Variants in SYNE1 observed in about 807,000 individuals in gnomAD.
SYNE1 encodes the protein spectrin repeat containing nuclear envelope protein 1.
SYNE1 carries 616 observed loss-of-function variants against 1,111.0 expected under a neutral mutation model. The observed-to-expected ratio is 0.55, with a 90% CI of 0.52 to 0.59. The LOEUF is 0.59. Among genes scored for constraint, SYNE1 ranks in the 20% least tolerant of loss-of-function variants. The pLI is 0.00. For synonymous variants in SYNE1, 3,855 were observed against 3,825.8 expected, an observed-to-expected ratio of 1.01 and a Z score of -0.28; for missense variants, 10,006 against 10,417.0, an observed-to-expected ratio of 0.96 and a Z score of 1.72.
At chr6:152,142,313 T>C (rs1238026849) in intron 138 of SYNE1, among the ~76,000 whole-genome samples, 1 of 152,316 alleles carries the variant, frequency 6.6e-6, no homozygotes, top group East Asian at 1.9e-4. Flanking sequence ...CTGCTCCCTC[T>C]TTCTCTTTCT....
intron 126 of SYNE1, among the ~76,000 whole-genome samples, chr6:152,203,232 C>T (rs1003190077): frequency 2.0e-5 from 3 of 152,150 alleles, no homozygotes; most frequent in African/African-American, 4.8e-5. Flanking sequence ...AAATCAGACA[C>T]ACGTAATTTT....
At chr6:152,581,666 C>T (rs770460714) in intron 3 of SYNE1, among the ~76,000 whole-genome samples, 8 of 152,166 alleles carry the variant, frequency 5.3e-5, no homozygotes, top group African/African-American at 1.9e-4. Flanking sequence ...CACCTCATCA[C>T]TTTCCCTTGA....
rs777679979 is a variant in SYNE1, at chr6:152,428,385, C to G, written c.4796G>C (p.Cys1599Ser). Residue 1599 changes from cysteine to serine, a missense_variant, in exon 37 of 146, where the codon TGC (cysteine) becomes TCC (serine). Physicochemically the swap from Cys to Ser is moderately radical, Grantham distance 112. Transcript: ENST00000367255. ...YKVLQEHMDL[C>S]QALESLSSAI... ...GCTGCTCAGTGACTCCAGGGCCTGG[C>G]AGAGATCCTAAGAAGAGTGCGAGAA... The G allele has an allele frequency of 2.5e-6, 4 of 1,613,508 alleles. No homozygotes were observed. In the African/African-American group the frequency reaches 4.0e-5, roughly 16 times the overall value.
Position 152,334,121 on chromosome 6 carries a change from G to A in SYNE1, c.12681C>T (p.Asn4227=). ...QWLDLCRQSN[N]LCLQREEDLQ... is the part of the protein sequence containing the mutation. ...GATCCTCTTCCCTTTGCAAGCACAG[G>A]TTGTTAGACTGACGGCACAAATCGA... Residue 4227 remains asparagine, a synonymous_variant, in exon 77 of 146, where the codon AAC becomes AAT. Coordinates refer to ENST00000367255, the MANE Select transcript of SYNE1 (RefSeq NM_182961.4). 1.2e-6 allele frequency: 2 copies of A among 1,614,116 alleles called. No homozygotes were observed. The highest frequency in any genetic ancestry group is 1.7e-6 in the Non-Finnish European group (2 of 1,180,022).
chr6:152,446,128 T>G (rs1285269126), intron 29 of SYNE1, among the ~76,000 whole-genome samples: 2 of 129,392 alleles, frequency 1.5e-5, no homozygotes, highest in Non-Finnish European at 3.3e-5. Flanking sequence ...TTTTTTTTTT[T>G]GGTGAGACAA....
chr6:152,232,033 A>C, intron 113 of SYNE1, 83 bp downstream of exon 113: 1 of 1,067,786 alleles, frequency 9.4e-7, no homozygotes, highest in Non-Finnish European at 1.4e-6. Context: ...CCAAGACTTG[A>C]TTACCATAAT....
Position 152,565,168 on chromosome 6 carries a change from T to G in SYNE1, c.68-25147A>C, listed in dbSNP as rs1410088621. On this transcript the variant is annotated intron_variant, in intron 3 of 145. Coordinates refer to ENST00000367255, the MANE Select transcript of SYNE1 (RefSeq NM_182961.4). ...GCCAGGAGAAACCTGATCATTAATT[T>G]ATGTGGTTCCTTTTGCCTCCACTAG... Among the ~76,000 whole-genome samples, 6 of 152,328 alleles carry G rather than the reference T, an allele frequency of 3.9e-5. No individual in the cohort carries two copies. In the East Asian group the frequency reaches 1.2e-3, roughly 29 times the overall value.
chr6:152,265,802 A>T (rs2092644605), intron 100 of SYNE1, among the ~76,000 whole-genome samples: 1 of 152,168 alleles, frequency 6.6e-6, no homozygotes, highest in Admixed American at 6.5e-5. Flanking sequence ...CAAGTAACAT[A>T]GTACTTATTC....
intron 8 of SYNE1, among the ~76,000 whole-genome samples, chr6:152,509,062 A>C (rs1298233261): frequency 3.3e-5 from 5 of 152,124 alleles, no homozygotes; most frequent in African/African-American, 4.8e-5. Context: ...TAAGCATGCA[A>C]AACAAGATAA....
intron 3 of SYNE1, among the ~76,000 whole-genome samples, chr6:152,616,384 A>G (rs1289661549): frequency 6.6e-6 from 1 of 152,074 alleles, no homozygotes; most frequent in Non-Finnish European, 1.5e-5. Context: ...GCCACCCTAC[A>G]CAGCATAGTG....
At chr6:152,275,420 A>C (rs2093544047) in intron 98 of SYNE1, among the ~76,000 whole-genome samples, 1 of 152,182 alleles carries the variant, frequency 6.6e-6, no homozygotes, top group South Asian at 2.1e-4. Context: ...TTATTTACAG[A>C]GTGAGTCATA....
rs2060517134 is a variant in SYNE1 at position 152,152,055 on chromosome 6, A to T, written c.24216T>A (p.Thr8072=). Residue 8072 remains threonine (T), a synonymous_variant, in exon 134 of 146, where the codon ACT becomes ACA. Transcript: ENST00000367255. The stretch of plus-strand genomic sequence containing the variant: ...TCTGTTTGAGGCTACATGCTGAATC[A>T]GTGCGGTTCTCCCTGGCCAGGCGGC... The part of the protein sequence containing the change: ...QYRRLARENR[T]DSACSLKQMV... 1 of 1,614,204 alleles carries T rather than the reference A, an allele frequency of 6.2e-7. No individual in the cohort carries two copies. Among genetic ancestry groups the T allele is most frequent in the Non-Finnish European group, 8.5e-7 (1 of 1,180,034 alleles).
At chr6:152,206,085 T>A in intron 126 of SYNE1, 83 bp downstream of exon 126, 1 of 1,321,074 alleles carries the variant, frequency 7.6e-7, no homozygotes, top group Admixed American at 1.9e-5. Flanking sequence ...CTTTGCATTA[T>A]TTGATTTGTA....
At chr6:152,272,653 T>C (rs1478656477) in intron 98 of SYNE1, among the ~76,000 whole-genome samples, 2 of 152,168 alleles carry the variant, frequency 1.3e-5, no homozygotes, top group Admixed American at 1.3e-4. Context: ...CAAAAAAGCA[T>C]AGTCATTCAC....
intron 6 of SYNE1, among the ~76,000 whole-genome samples, chr6:152,513,683 T>G (rs1281290844): frequency 1.3e-5 from 2 of 151,854 alleles, no homozygotes; most frequent in Non-Finnish European, 2.9e-5. Flanking sequence ...ATCATCAGAG[T>G]GAACAGGCAA....
intron 138 of SYNE1, among the ~76,000 whole-genome samples, chr6:152,142,610 G>C (rs11155834): frequency 0.19 from 29,522 of 152,146 alleles, 3,200 homozygotes; most frequent in East Asian, 0.38. Flanking sequence ...CACAATGCCA[G>C]TAGGACTGTT....
chr6:152,534,170 AAATG>A (rs770216813), intron 4 of SYNE1, among the ~76,000 whole-genome samples: 172 of 146,186 alleles, frequency 1.2e-3, no homozygotes, highest in East Asian at 4.0e-3. Context: ...AAAAATAAAT[AAATG>A]AATGAATGAA....
chr6:152,283,899 T>G, intron 96 of SYNE1, 79 bp downstream of exon 96: 1 of 1,190,988 alleles, frequency 8.4e-7, no homozygotes, highest in South Asian at 1.2e-5. Context: ...TGTAAATACG[T>G]AAGTAACCCA....
chr6:152,135,140 A>G lies in SYNE1; in HGVS notation c.25752T>C (p.Asp8584=). 1 of 1,614,178 alleles carries G rather than the reference A, an allele frequency of 6.2e-7. No homozygotes were observed. The highest frequency in any genetic ancestry group is 1.3e-5 in the African/African-American group (1 of 75,064). ...TGTGATGGTCCTGAAGTATCTCTGC[A>G]TCAAGGTTAGAATCAATAGGGACAA... is the stretch of plus-strand genomic sequence containing the variant. The part of the protein sequence containing the change: ...NEIVPIDSNL[D]AEILQDHHKQ... The change falls in exon 142 of 146, where the codon GAT becomes GAC. Residue 8584 remains aspartate (D), a synonymous_variant. Coordinates refer to ENST00000367255, the MANE Select transcript of SYNE1 (RefSeq NM_182961.4).
Sources: gnomAD v4.1 joint callset for allele counts (sites outside exome capture counted in the v4.1 genomes callset) on GRCh38, gnomAD v4.1.1 for gene constraint, MANE v1.5 for transcripts, NCBI Gene and HGNC (gene_info 2026-07-23, HGNC 2026-07-21) for gene names.